Variants in TAAR8 observed in about 807,000 individuals in gnomAD.
TAAR8 encodes trace amine associated receptor 8, also known as trace amine-associated receptor 8.
For synonymous variants in TAAR8, 157 were observed against 152.7 expected (o/e 1.03, Z -0.21); for missense variants, 459 against 405.8 (o/e 1.13, Z -1.13).
At position 132,553,135 on chromosome 6, in the gene TAAR8, C is replaced by A; in HGVS notation, c.443C>A (p.Ser148Ter). The change falls in exon 1 of 1, where the codon TCG becomes TAG. Residue 148 changes from serine (S) to a stop codon, truncating the protein, a stop_gained. Transcript: ENST00000275200. LOFTEE classifies it low-confidence loss of function (END_TRUNC). The stretch of plus-strand genomic sequence containing the variant: ...GCTACCAAGTTCACCGTGTCTGTGT[C>A]GGGAATTTGCATCAGCGTGTCCTGG... 1 of 1,614,136 alleles carries A rather than the reference C, an allele frequency of 6.2e-7. No individual in the cohort carries two copies. The highest frequency in any genetic ancestry group is 8.5e-7 in the Non-Finnish European group (1 of 1,180,022).
rs759336088 is a variant in TAAR8, at chr6:132,552,851, G to A, written c.159G>A (p.Met53Ile). 2.5e-6 allele frequency: 4 copies of A among 1,614,174 alleles called. No homozygotes were observed. The Admixed American group carries it at 6.7e-5, about 27-fold the overall frequency. ...CTGTATTTGGAAATCTCTTAGTAAT[G>A]ACTTCTGTTCTTCATTTTAAGCAGC... The change falls in exon 1 of 1, where the codon ATG becomes ATA. Residue 53 changes from methionine (M) to isoleucine (I), a missense_variant. Physicochemically the swap from Met to Ile is conservative, Grantham distance 10 (BLOSUM62 1). Transcript: ENST00000275200.
chr6:132,552,929 G>T, exon 1 of TAAR8: 1 of 1,614,194 alleles, frequency 6.2e-7, no homozygotes, highest in Non-Finnish European at 8.5e-7. Flanking sequence ...CTGACTTCTT[G>T]GTAGGTGTGA....
exon 1 of TAAR8, chr6:132,552,726 C>T (rs770172999): frequency 6.8e-6 from 11 of 1,613,596 alleles, no homozygotes; most frequent in Non-Finnish European, 9.3e-6. Flanking sequence ...TGTTGTGCAG[C>T]TTTGCTATGA....
upstream of TAAR8, chr6:132,552,676 C>A (rs751503001): frequency 1.3e-5 from 20 of 1,573,162 alleles, no homozygotes; most frequent in Non-Finnish European, 1.6e-5. Flanking sequence ...AAATAGCAAA[C>A]AACAAACAGC....
exon 1 of TAAR8, chr6:132,553,430 C>G (rs763800390): frequency 2.5e-6 from 4 of 1,613,956 alleles, no homozygotes; most frequent in Non-Finnish European, 3.4e-6. Flanking sequence ...GTTATAAAAT[C>G]AGAGTGGCCA....
exon 1 of TAAR8, chr6:132,552,803 G>T (rs6912620): frequency 6.2e-7 from 1 of 1,614,012 alleles, no homozygotes; most frequent in Non-Finnish European, 8.5e-7. Flanking sequence ...TGTACACGGC[G>T]TTTAGCTTTG....
At position 132,553,153 on chromosome 6, in the gene TAAR8, T is replaced by C. The variant is rs151214183; in HGVS notation, c.461T>C (p.Val154Ala). The change falls in exon 1 of 1, where the codon GTG (valine) becomes GCG (alanine). Residue 154 changes from valine (V) to alanine (A), a missense_variant. Coordinates refer to ENST00000275200, the Ensembl canonical transcript of TAAR8. ...TCTGTGTCGGGAATTTGCATCAGCGTGTCCTGGATTCTGCCTCTCACGTAC... is the reference window on the plus strand; with the variant it reads ...TCTGTGTCGGGAATTTGCATCAGCGCGTCCTGGATTCTGCCTCTCACGTAC... The C allele has an allele frequency of 8.1e-6, 13 of 1,614,194 alleles. No homozygotes were observed. The African/African-American group carries it at 1.6e-4, about 20-fold the overall frequency.
chr6:132,553,673 A>C, exon 1 of TAAR8: 1 of 1,610,358 alleles, frequency 6.2e-7, no homozygotes, highest in African/African-American at 1.3e-5. Flanking sequence ...TTTTAAGTGG[A>C]GATGTTTTAA....
In TAAR8 at chr6:132,553,377, A is replaced by T. The variant is rs1776409329; in HGVS notation, c.685A>T (p.Lys229Ter). ...TCTTATAGCTAAACAACAAGCTATA[A>T]AAATTGAAACTACTAGTAGCAAAGT... Residue 229 changes from lysine to a stop codon, truncating the protein, a stop_gained, in exon 1 of 1, where the codon AAA (lysine) becomes TAA (stop). Transcript: ENST00000275200. LOFTEE classifies it low-confidence loss of function (END_TRUNC). 1.9e-6 allele frequency: 3 copies of T among 1,614,158 alleles called. No individual in the cohort carries two copies. Among genetic ancestry groups the T allele is most frequent in the Non-Finnish European group, 2.5e-6 (3 of 1,180,020 alleles).
At chr6:132,553,749 G>A, downstream of TAAR8, 7 of 1,335,100 alleles carry the variant, frequency 5.2e-6, no homozygotes, top group East Asian at 5.3e-5. Context: ...AGAAAATTAA[G>A]AATATTTTTA....
chr6:132,553,433 A>C, exon 1 of TAAR8: 1 of 1,614,192 alleles, frequency 6.2e-7, no homozygotes, highest in Non-Finnish European at 8.5e-7. Context: ...ATAAAATCAG[A>C]GTGGCCAAGA....
chr6:132,553,128 T>A, exon 1 of TAAR8: 1 of 1,614,190 alleles, frequency 6.2e-7, no homozygotes, highest in Non-Finnish European at 8.5e-7. Flanking sequence ...GTTCACCGTG[T>A]CTGTGTCGGG....
chr6:132,553,472 G>A lies in TAAR8; in HGVS notation c.780G>A (p.Gly260=), dbSNP rs1311679592. Residue 260 remains glycine (G), a synonymous_variant, in exon 1 of 1, where the codon GGG becomes GGA. Transcript: ENST00000275200. ...AGAGGAAAGCAGCTAAAACCCTGGG[G>A]GTCACGGTACTAGCATTTGTTATTT... 6 of 1,613,940 alleles carry A rather than the reference G, an allele frequency of 3.7e-6. No individual in the cohort carries two copies. The East Asian group carries it at 1.3e-4, about 36-fold the overall frequency.
exon 1 of TAAR8, chr6:132,553,053 C>T (rs1402195358): frequency 6.2e-7 from 1 of 1,614,224 alleles, no homozygotes; most frequent in Non-Finnish European, 8.5e-7. Context: ...TTCTGTCCTC[C>T]ACTTGTGCTT....
At chr6:132,553,133 G>C (rs1776405164) in exon 1 of TAAR8, 2 of 1,614,162 alleles carry the variant, frequency 1.2e-6, no homozygotes, top group South Asian at 1.1e-5. Flanking sequence ...CCGTGTCTGT[G>C]TCGGGAATTT....
Position 132,552,751 on chromosome 6 carries a change from CT to C in TAAR8, c.61del (p.Cys21ValfsTer12), listed in dbSNP as rs772366696. The C allele has an allele frequency of 5.0e-6, 8 of 1,614,170 alleles. No homozygotes were observed. In the South Asian group the frequency reaches 8.8e-5, roughly 18 times the overall value. On this transcript the variant is annotated frameshift_variant, in exon 1 of 1. Transcript: ENST00000275200. LOFTEE classifies it low-confidence loss of function (END_TRUNC). Reference sequence around the variant, plus strand: ...CTTTGCTATGAGGATGTGAATGGATCTTGTATTGAAACTCCCTATTCTCCTG... The same window carrying C: ...CTTTGCTATGAGGATGTGAATGGATCTGTATTGAAACTCCCTATTCTCCTG...
chr6:132,553,684 A>G (rs751065693), exon 1 of TAAR8: 2 of 1,600,582 alleles, frequency 1.2e-6, no homozygotes, highest in South Asian at 2.3e-5. Context: ...GATGTTTTAA[A>G]GGCTAGTTCA....
exon 1 of TAAR8, chr6:132,553,675 A>C (rs8192627): frequency 0.067 from 107,111 of 1,609,538 alleles, 3,983 homozygotes; most frequent in Non-Finnish European, 0.074. Context: ...TTAAGTGGAG[A>C]TGTTTTAAAG....
At chr6:132,553,262 A>G (rs201637607) in exon 1 of TAAR8, 1 of 1,614,158 alleles carries the variant, frequency 6.2e-7, no homozygotes, top group Non-Finnish European at 8.5e-7. Context: ...GTGGCTGTCA[A>G]ATTATTGTAA....
Sources: gnomAD v4.1 joint callset for allele counts on GRCh38, gnomAD v4.1.1 for gene constraint, MANE v1.5 for transcripts, NCBI Gene and HGNC (gene_info 2026-07-23, HGNC 2026-07-21) for gene names.